The following ERAP2 variants were observed in gnomAD, a reference collection of about 807,000 sequenced individuals.
The protein encoded by ERAP2 is endoplasmic reticulum aminopeptidase 2.
In ERAP2, 118 loss-of-function variants were observed where a neutral mutation model predicts 111.1. The observed-to-expected ratio is 1.06, with a 90% CI of 0.92 to 1.24. ERAP2 has a LOEUF of 1.24. Among genes scored for constraint, ERAP2 ranks in the 50% most tolerant of loss-of-function variants. ERAP2 has a pLI of 0.00. For synonymous variants in ERAP2, 410 were observed against 401.2 expected (o/e 1.02, Z -0.26); for missense variants, 1,131 against 1,125.8 (o/e 1.00, Z -0.07).
chr5:96,913,547 T>C (rs113350557), intron 17 of ERAP2, 90 bp downstream of exon 17: 1 of 1,412,116 alleles, frequency 7.1e-7, no homozygotes, highest in African/African-American at 1.4e-5. Context: ...TCTCAAAGCA[T>C]ATAAATAATA....
At chr5:96,881,961 G>C (rs2151118468) in intron 2 of ERAP2, among the ~76,000 whole-genome samples, 1 of 132,724 alleles carries the variant, frequency 7.5e-6, no homozygotes, top group South Asian at 2.8e-4. Context: ...GATTCCACTG[G>C]AACCAAGGAA....
At chr5:96,880,379 C>T in intron 2 of ERAP2, 119 bp downstream of exon 2, 1 of 907,100 alleles carries the variant, frequency 1.1e-6, no homozygotes, top group South Asian at 1.8e-5. Flanking sequence ...CTATGGGGAA[C>T]CCAGAAGAAG....
intron 3 of ERAP2, among the ~76,000 whole-genome samples, chr5:96,884,416 C>G (rs1783513249): frequency 6.6e-6 from 1 of 152,198 alleles, no homozygotes; most frequent in Non-Finnish European, 1.5e-5. Flanking sequence ...TGGCAAGGAC[C>G]TCAGGGACCC....
In ERAP2 at chr5:96,883,793, A is replaced by T. The variant is rs956158334; in HGVS notation, c.577A>T (p.Ile193Phe). 1 of 1,609,736 alleles carries T rather than the reference A, an allele frequency of 6.2e-7. No homozygotes were observed. The highest frequency in any genetic ancestry group is 1.1e-5 in the South Asian group (1 of 89,914). The change falls in exon 3 of 19, where the codon ATT becomes TTT. Residue 193 changes from isoleucine (I) to phenylalanine (F), a missense_variant and splice_region_variant. This residue lies in a region of ERAP2 where 847 missense variants were observed against 856.5 expected (regional missense o/e 0.99). Coordinates refer to ENST00000437043, the MANE Select transcript of ERAP2 (RefSeq NM_022350.5). ...GGCTGGGGGTGGGTCTTTTCACAGA[A>T]TTCTTGCAGTAACAGATTTTGAGCC... ...TYRTLGGETR[I>F]LAVTDFEPTQ...
At chr5:96,915,448 ATAAC>A (rs1302046176) in intron 17 of ERAP2, among the ~76,000 whole-genome samples, 4 of 151,154 alleles carry the variant, frequency 2.6e-5, no homozygotes, top group African/African-American at 7.3e-5. Context: ...ACATTGCTGA[ATAAC>A]TAACCATATT....
chr5:96,886,339 G>T (rs1783708605), intron 3 of ERAP2, among the ~76,000 whole-genome samples: 1 of 152,200 alleles, frequency 6.6e-6, no homozygotes. Context: ...TGATGCCAGT[G>T]TTGGAAATTA....
Position 96,904,923 on chromosome 5 carries a change from CA to C in ERAP2, c.2012+1365del, listed in dbSNP as rs532712993. On this transcript the variant is annotated intron_variant, in intron 13 of 18. Transcript: ENST00000437043. ...GAATACAAATTTTATATGAAAATTTCAAGAAGATTTCAGGTATTACCTCTTC... is the reference window on the plus strand; with the variant it reads ...GAATACAAATTTTATATGAAAATTTCAGAAGATTTCAGGTATTACCTCTTC... 7.2e-5 allele frequency among the ~76,000 whole-genome samples: 11 copies of C among 152,240 alleles called. No homozygotes were observed. The South Asian group carries it at 2.3e-3, about 32-fold the overall frequency.
chr5:96,915,647 G>A (rs774273612), intron 17 of ERAP2, 41 bp from the exon 18 acceptor site: 12 of 1,241,208 alleles, frequency 9.7e-6, no homozygotes, highest in Non-Finnish European at 2.2e-6. Context: ...CATAAGGTCA[G>A]TATTTCTATG....
chr5:96,895,127 C>G (rs1179765336), intron 6 of ERAP2, 119 bp from the exon 7 acceptor site: 3 of 605,440 alleles, frequency 5.0e-6, no homozygotes, highest in Non-Finnish European at 8.6e-6. Flanking sequence ...AAAAGGGTAG[C>G]AAAGAGAGAA....
rs1486675089 is a variant in ERAP2, at chr5:96,918,154, AT to A, written c.*552del. ...TGGGGGAAGGCCAGTTCAGTATCCT[AT>A]TTAAAAGTAAACTTCCTGAATAATG... On this transcript the variant is annotated 3_prime_UTR_variant, in exon 19 of 19. Coordinates refer to ENST00000437043, the MANE Select transcript of ERAP2 (RefSeq NM_022350.5). 14 of 152,344 alleles carry A rather than the reference AT, an allele frequency of 9.2e-5. No homozygotes were observed. The allele number at this position is 152,344 out of a possible 1,614,324, so 9.4% of individuals were successfully genotyped here.
At chr5:96,887,092 TATATATATACACAC>T (rs1479047513) in intron 4 of ERAP2, among the ~76,000 whole-genome samples, 97 of 99,154 alleles carry the variant, frequency 9.8e-4, no homozygotes, top group African/African-American at 3.2e-3. Context: ...TATATATATA[TATATATATACACAC>T]ACACACACAC....
rs756447810 is a variant in ERAP2 at position 96,896,464 on chromosome 5, C to G, written c.1331C>G (p.Thr444Ser). The G allele has an allele frequency of 6.2e-7, 1 of 1,613,560 alleles. No individual in the cohort carries two copies. Reference protein sequence around the residue: ...RPISKPAETPTQIQEMFDEVS... With the variant: ...RPISKPAETPSQIQEMFDEVS... ...ATCTCCAAACCAGCGGAAACCCCGA[C>G]TCAAATACAGGAAATGTTTGATGAA... The change falls in exon 8 of 19, where the codon ACT becomes AGT. Residue 444 changes from threonine to serine, a missense_variant. Physicochemically the swap from Thr to Ser is moderately conservative, Grantham distance 58. Coordinates refer to ENST00000437043, the MANE Select transcript of ERAP2 (RefSeq NM_022350.5).
In ERAP2 at chr5:96,879,819, A is replaced by G. The variant is rs751505544; in HGVS notation, c.134A>G (p.His45Arg). 1 of 1,614,154 alleles carries G rather than the reference A, an allele frequency of 6.2e-7. No individual in the cohort carries two copies. Among genetic ancestry groups the G allele is most frequent in the Non-Finnish European group, 8.5e-7 (1 of 1,180,024 alleles). Residue 45 changes from histidine to arginine, a missense_variant, in exon 2 of 19, where the codon CAC becomes CGC. Around this residue, in one of 3 missense-constraint regions of ERAP2, gnomAD observed 847 missense variants for 856.5 expected, o/e 0.99. Transcript: ENST00000437043. Reference sequence around the variant, plus strand: ...CAGTTCTCAGTGCCATCTAGTTATCACTTCACTGAGGATCCTGGGGCTTTC... The same window carrying G: ...CAGTTCTCAGTGCCATCTAGTTATCGCTTCACTGAGGATCCTGGGGCTTTC... The part of the protein sequence containing the change: ...CSQFSVPSSY[H>R]FTEDPGAFPV...
At chr5:96,908,169 A>G (rs888694749) in intron 13 of ERAP2, among the ~76,000 whole-genome samples, 3 of 152,208 alleles carry the variant, frequency 2.0e-5, no homozygotes, top group African/African-American at 7.2e-5. Flanking sequence ...TTGTTCTGGA[A>G]TCAGTTTCCA....
intron 12 of ERAP2, chr5:96,902,669 G>A: frequency 5.2e-6 from 1 of 192,824 alleles, no homozygotes; most frequent in Non-Finnish European, 1.1e-5. Context: ...AAAATGTTCA[G>A]TGGAAAAAAG....
At chr5:96,896,328 A>G in intron 7 of ERAP2, 45 bp from the exon 8 acceptor site, 1 of 1,483,588 alleles carries the variant, frequency 6.7e-7, no homozygotes, top group Non-Finnish European at 9.3e-7. Context: ...TTGCTTTTAC[A>G]GTGTCAAATA....
chr5:96,901,135 C>A (rs191959579), intron 10 of ERAP2, among the ~76,000 whole-genome samples: 2 of 152,038 alleles, frequency 1.3e-5, no homozygotes, highest in Admixed American at 1.3e-4. Flanking sequence ...CCCTCGTAAA[C>A]CACCCCTCCT....
chr5:96,913,055 T>C (rs1366098411), intron 16 of ERAP2, among the ~76,000 whole-genome samples: 1 of 152,192 alleles, frequency 6.6e-6, no homozygotes, highest in African/African-American at 2.4e-5. Context: ...AAAATTATTG[T>C]TGTAAAAATA....
chr5:96,900,029 C>G (rs763877717), intron 9 of ERAP2, 92 bp from the exon 10 acceptor site: 77 of 1,422,848 alleles, frequency 5.4e-5, no homozygotes, highest in Non-Finnish European at 7.5e-5. Flanking sequence ...TCATATAGCT[C>G]TTTTAATAAA....
Sources: gnomAD v4.1 joint callset for allele counts (sites outside exome capture counted in the v4.1 genomes callset) on GRCh38, gnomAD v4.1.1 for gene constraint, gnomAD v4.1.1 regional missense constraint, MANE v1.5 for transcripts, NCBI Gene and HGNC (gene_info 2026-07-23, HGNC 2026-07-21) for gene names.